DISP1: variants seen among roughly 807,000 people sequenced by gnomAD.
DISP1 encodes the protein protein dispatched homolog 1.
DISP1 carries 30 observed loss-of-function variants against 37.3 expected under a neutral mutation model. That is an observed-to-expected ratio of 0.80 (90% confidence interval 0.60 to 1.09). The LOEUF (loss-of-function observed/expected upper bound fraction) is 1.09, where lower values mean the gene tolerates loss of function less well. DISP1 is among the 50% of genes least tolerant of loss of function. The probability of loss-of-function intolerance (pLI) is 0.00; values close to 1 mark genes in which losing one functional copy is unlikely to be tolerated. For synonymous variants in DISP1, 634 were observed against 690.2 expected, an observed-to-expected ratio of 0.92 and a Z score of 1.28; for missense variants, 1,598 against 1,879.5, an observed-to-expected ratio of 0.85 and a Z score of 2.77.
intron 1 of DISP1, among the ~76,000 whole-genome samples, chr1:222,820,740 C>T (rs1031411179): frequency 1.2e-4 from 19 of 152,086 alleles, no homozygotes; most frequent in Admixed American, 3.9e-4. Context: ...CATAGTAATA[C>T]CTACCGTACA....
intron 1 of DISP1, among the ~76,000 whole-genome samples, chr1:222,823,463 G>A (rs754747419): frequency 1.3e-5 from 2 of 152,158 alleles, no homozygotes; most frequent in Non-Finnish European, 2.9e-5. Flanking sequence ...TCACTTATAA[G>A]TGCTAAATAA....
At position 222,906,864 on chromosome 1, in the gene DISP1, TTCTTTCTTGC is replaced by T. The variant is rs377473802; in HGVS notation, c.-158-21563_-158-21554del. 3.1e-3 allele frequency among the ~76,000 whole-genome samples: 476 copies of T among 152,348 alleles called. 4 individuals carry two copies. Among genetic ancestry groups the T allele is most frequent in the African/African-American group, 0.011 (455 of 41,590 alleles). ...TTTTGCTTTGTGGATTCGCCTCTAA[TTCTTTCTTGC>T]TCAGACCCAAGAACCCTCTCTTAGG... On this transcript the variant is annotated intron_variant, in intron 1 of 8. Transcript: ENST00000675850.
At chr1:222,930,752 T>C (rs1470850063) in intron 2 of DISP1, among the ~76,000 whole-genome samples, 1 of 152,084 alleles carries the variant, frequency 6.6e-6, no homozygotes, top group Non-Finnish European at 1.5e-5. Flanking sequence ...AGTAATAATT[T>C]AAGGAATAGA....
At chr1:222,956,778 A>G (rs1442577747) in intron 3 of DISP1, among the ~76,000 whole-genome samples, 2 of 152,146 alleles carry the variant, frequency 1.3e-5, no homozygotes, top group African/African-American at 4.8e-5. Flanking sequence ...TAAGTTTAAT[A>G]AGATTTTTCT....
Position 223,003,467 on chromosome 1 carries a change from G to A in DISP1, c.2070G>A (p.Lys690=), listed in dbSNP as rs777045327. ...NKSCWTVACQ[K]CHKVLFAISE... ...GCTGCTGGACAGTGGCTTGCCAGAA[G>A]TGCCACAAAGTACTCTTTGCCATTT... The change falls in exon 9 of 9, where the codon AAG becomes AAA. Residue 690 remains lysine, a synonymous_variant. Transcript: ENST00000675850. This position sits in a 1 kb window ranked among gnomAD's most constrained non-coding sequence, Gnocchi z 4.3. 1 of 1,614,140 alleles carries A rather than the reference G, an allele frequency of 6.2e-7. No homozygotes were observed. The highest frequency in any genetic ancestry group is 1.1e-5 in the South Asian group (1 of 91,082).
At chr1:222,920,352 A>T (rs1278379785) in intron 1 of DISP1, among the ~76,000 whole-genome samples, 1 of 152,200 alleles carries the variant, frequency 6.6e-6, no homozygotes, top group Non-Finnish European at 1.5e-5. Context: ...AACCAAAAAT[A>T]TTTTGGAAAC....
chr1:222,859,957 G>C (rs539590992), intron 1 of DISP1, among the ~76,000 whole-genome samples: 18 of 152,202 alleles, frequency 1.2e-4, no homozygotes, highest in Non-Finnish European at 2.6e-4. Flanking sequence ...ATCTTGTTGA[G>C]AAAAGGCATA....
rs761349550 is a variant in DISP1, at chr1:223,005,768, G to A, written c.4371G>A (p.Gln1457=). The A allele has an allele frequency of 6.2e-7, 1 of 1,614,238 alleles. No homozygotes were observed. Among genetic ancestry groups the A allele is most frequent in the Admixed American group, 1.7e-5 (1 of 60,022 alleles). The change falls in exon 9 of 9, where the codon CAG becomes CAA. Residue 1457 remains glutamine (Q), a synonymous_variant. Transcript: ENST00000675850. The part of the protein sequence containing the change: ...DASVNSEHFN[Q]NEPKVLFNHL... ...GTGTGAACTCAGAACATTTCAATCA[G>A]AATGAACCAAAAGTCCTATTTAATC...
At chr1:222,989,398 GA>G in intron 4 of DISP1, 36 of 985,372 alleles carry the variant, frequency 3.7e-5, no homozygotes, top group Non-Finnish European at 4.3e-5. Context: ...TTGAATTTTA[GA>G]AAACGTTCAG....
In DISP1 at chr1:222,852,373, T is replaced by C. The variant is rs181148899; in HGVS notation, c.-159+37295T>C. Among the ~76,000 whole-genome samples, 92 of 152,130 alleles carry C rather than the reference T, an allele frequency of 6.0e-4. No homozygotes were observed. In the East Asian group the frequency reaches 0.015, roughly 24 times the overall value. ...TTTTTGGTGGTTTTTTTGTTTTTCG[T>C]TTTTTGTTTTTGTGGTAGAGACTGA... On this transcript the variant is annotated intron_variant, in intron 1 of 8. Coordinates refer to ENST00000675850, the MANE Select transcript of DISP1 (RefSeq NM_001377229.1).
intron 5 of DISP1, 96 bp downstream of exon 5, chr1:222,990,844 T>C (rs954084730): frequency 6.7e-7 from 1 of 1,495,152 alleles, no homozygotes; most frequent in Non-Finnish European, 9.3e-7. Context: ...ACCCATTTCT[T>C]TAAAAACCTT....
chr1:222,858,666 C>G (rs1307780382), intron 1 of DISP1, among the ~76,000 whole-genome samples: 2 of 151,956 alleles, frequency 1.3e-5, no homozygotes, highest in Admixed American at 6.6e-5. Context: ...AAAAAGTGGG[C>G]AAAGGACATG....
chr1:222,845,144 C>T (rs924739331), intron 1 of DISP1, among the ~76,000 whole-genome samples: 2 of 152,102 alleles, frequency 1.3e-5, no homozygotes, highest in African/African-American at 4.8e-5. Flanking sequence ...CAGTTTTTGC[C>T]ATTGCTAGCT....
chr1:222,992,792 G>A (rs922921367), intron 7 of DISP1, among the ~76,000 whole-genome samples: 41 of 151,782 alleles, frequency 2.7e-4, no homozygotes, highest in African/African-American at 7.3e-4. Context: ...CTACTTAGCC[G>A]CGACAAAAGA....
At chr1:222,969,251 T>G (rs1237976453) in intron 3 of DISP1, among the ~76,000 whole-genome samples, 2 of 150,720 alleles carry the variant, frequency 1.3e-5, no homozygotes, top group Non-Finnish European at 2.9e-5. Context: ...ATACCTGTAA[T>G]CCCAGCTACT....
At chr1:222,900,345 T>C (rs34355153) in intron 1 of DISP1, among the ~76,000 whole-genome samples, 17,790 of 152,190 alleles carry the variant, frequency 0.12, 1,381 homozygotes, top group Non-Finnish European at 0.16. Context: ...TAAAATGATA[T>C]ATGTGAAACC....
chr1:222,969,851 ATG>A (rs1166640688), intron 3 of DISP1, among the ~76,000 whole-genome samples: 2 of 152,174 alleles, frequency 1.3e-5, no homozygotes, highest in Admixed American at 1.3e-4. Flanking sequence ...CTTCAGGAAA[ATG>A]TGTTAGTTTT....
intron 4 of DISP1, chr1:222,989,266 T>C (rs1169377113): frequency 3.5e-6 from 2 of 577,714 alleles, no homozygotes; most frequent in African/African-American, 2.0e-5. Flanking sequence ...GAAATAGCCA[T>C]TGCAGCAGCC....
chr1:222,867,115 A>G (rs1438970345), intron 1 of DISP1, among the ~76,000 whole-genome samples: 1 of 152,236 alleles, frequency 6.6e-6, no homozygotes, highest in Non-Finnish European at 1.5e-5. Flanking sequence ...TGAATGAATC[A>G]ATGAATCTTA....
Sources: allele counts gnomAD v4.1 joint callset (sites outside exome capture counted in the v4.1 genomes callset), GRCh38; gene constraint gnomAD v4.1.1; non-coding constraint Gnocchi (gnomAD v3.1); transcripts MANE v1.5; gene names NCBI Gene and HGNC (gene_info 2026-07-23, HGNC 2026-07-21).